The following DCC variants were observed in gnomAD, a reference collection of about 807,000 sequenced individuals.
DCC encodes the protein netrin receptor DCC.
Under a neutral mutation model 172.5 loss-of-function variants are expected in DCC, and 58 were observed. That is an observed-to-expected ratio of 0.34 (90% CI 0.27 to 0.42). The LOEUF (loss-of-function observed/expected upper bound fraction) is 0.42. Among genes scored for constraint, DCC ranks in the 10% least tolerant of loss-of-function variants. The pLI is 1.00. For missense variants in DCC, 1,740 were observed against 1,791.0 expected (o/e 0.97, Z 0.51); for synonymous variants, 709 against 644.5 (o/e 1.10, Z -1.52).
chr18:52,756,675 T>A (rs770744668), intron 2 of DCC, among the ~76,000 whole-genome samples: 3 of 152,178 alleles, frequency 2.0e-5, no homozygotes, highest in African/African-American at 7.2e-5. Context: ...ACCGTGAAAA[T>A]GAACTTGCAT....
At chr18:52,510,885 G>A (rs76586940) in intron 1 of DCC, among the ~76,000 whole-genome samples, 2 of 152,196 alleles carry the variant, frequency 1.3e-5, no homozygotes, top group Admixed American at 6.5e-5. Context: ...CCCTGAGAGA[G>A]TTATCATTAC....
intron 5 of DCC, among the ~76,000 whole-genome samples, chr18:53,044,989 G>A (rs894755883): frequency 6.6e-6 from 1 of 151,742 alleles, no homozygotes; most frequent in African/African-American, 2.4e-5. Flanking sequence ...CATATGAACA[G>A]ATATAAAATG....
chr18:52,699,456 G>C (rs2036070996), intron 1 of DCC, among the ~76,000 whole-genome samples: 2 of 152,200 alleles, frequency 1.3e-5, no homozygotes, highest in Admixed American at 1.3e-4. Flanking sequence ...GTCAGATGGT[G>C]TCATCATAAT....
chr18:53,277,562 T>G (rs1472573929), intron 12 of DCC, among the ~76,000 whole-genome samples: 2 of 152,202 alleles, frequency 1.3e-5, no homozygotes, highest in African/African-American at 4.8e-5. Context: ...GTTAAAGAAT[T>G]GTTTTCCTGT....
At chr18:53,042,298 G>A (rs571533862) in intron 5 of DCC, among the ~76,000 whole-genome samples, 17 of 152,114 alleles carry the variant, frequency 1.1e-4, no homozygotes, top group African/African-American at 3.6e-4. Context: ...TTTATGTGAT[G>A]GATTATGCTT....
At chr18:53,416,414 T>C (rs1910314242) in intron 21 of DCC, 1 of 634,662 alleles carries the variant, frequency 1.6e-6, no homozygotes, top group African/African-American at 1.8e-5. Context: ...CTTCTTTGTA[T>C]GAAATAAATT....
chr18:52,849,599 A>G (rs185674048), intron 2 of DCC, among the ~76,000 whole-genome samples: 15 of 152,340 alleles, frequency 9.8e-5, no homozygotes, highest in African/African-American at 2.6e-4. Context: ...ACCTATTTCC[A>G]AAACAGAATC....
chr18:53,448,046 A>AG, intron 22 of DCC, among the ~76,000 whole-genome samples: 1 of 106,786 alleles, frequency 9.4e-6, no homozygotes, highest in South Asian at 2.8e-4. Flanking sequence ...AATTTTGATG[A>AG]GTTTTTTTTT....
chr18:53,114,251 C>T (rs1013682199), intron 7 of DCC, among the ~76,000 whole-genome samples: 1 of 98,030 alleles, frequency 1.0e-5, no homozygotes, highest in East Asian at 2.1e-4. Flanking sequence ...TTAATGAACA[C>T]CCCCCCCACC....
chr18:52,979,603 A>G (rs1437400417), intron 5 of DCC, among the ~76,000 whole-genome samples: 1 of 152,200 alleles, frequency 6.6e-6, no homozygotes, highest in Non-Finnish European at 1.5e-5. Flanking sequence ...GGTTCCAAGC[A>G]AAAACACCCC....
chr18:52,752,416 C>T, intron 2 of DCC, 42 bp downstream of exon 2: 4 of 1,437,594 alleles, frequency 2.8e-6, no homozygotes, highest in Non-Finnish European at 3.9e-6. Flanking sequence ...TCCTTCCTCT[C>T]TTCTTCTTAT....
intron 21 of DCC, 88 bp from the exon 22 acceptor site, chr18:53,435,056 G>A (rs1911848918): frequency 1.0e-6 from 1 of 987,614 alleles, no homozygotes; most frequent in Non-Finnish European, 1.6e-6. Flanking sequence ...AATCTGTTCT[G>A]TTATTGTGTG....
At chr18:53,078,605 AAAT>A (rs2042754895) in intron 7 of DCC, among the ~76,000 whole-genome samples, 1 of 151,858 alleles carries the variant, frequency 6.6e-6, no homozygotes, top group African/African-American at 2.4e-5. Flanking sequence ...AAAAAAAGAG[AAAT>A]AATATTTTTT....
intron 1 of DCC, among the ~76,000 whole-genome samples, chr18:52,543,735 C>T (rs372021570): frequency 1.4e-4 from 22 of 152,210 alleles, no homozygotes; most frequent in Admixed American, 1.1e-3. Context: ...AAAAGGTGCC[C>T]CTGACCCTTC....
intron 2 of DCC, among the ~76,000 whole-genome samples, chr18:52,867,536 A>G (rs1410831652): frequency 6.6e-6 from 1 of 151,440 alleles, no homozygotes; most frequent in Non-Finnish European, 1.5e-5. Context: ...GTGGTAGGCT[A>G]TTAATTACTG....
At chr18:52,958,461 T>C (rs549367122) in intron 5 of DCC, among the ~76,000 whole-genome samples, 42 of 152,242 alleles carry the variant, frequency 2.8e-4, no homozygotes, top group African/African-American at 8.9e-4. Context: ...AAAAAATAGC[T>C]TTTAATAATT....
chr18:52,718,389 G>A (rs188119748), intron 1 of DCC, among the ~76,000 whole-genome samples: 4 of 152,154 alleles, frequency 2.6e-5, no homozygotes, highest in Admixed American at 1.3e-4. Context: ...AATCAAATTT[G>A]GTTTAAGGAT....
chr18:52,458,426 G>C (rs564575021), intron 1 of DCC, among the ~76,000 whole-genome samples: 26 of 152,258 alleles, frequency 1.7e-4, no homozygotes, highest in African/African-American at 6.0e-4. Context: ...ATCTTAAGCA[G>C]CAGAGGTTGG....
chr18:53,384,668 T>A (rs12956352), intron 15 of DCC, among the ~76,000 whole-genome samples: 1 of 152,102 alleles, frequency 6.6e-6, no homozygotes, highest in Non-Finnish European at 1.5e-5. Context: ...TACTTTTTCA[T>A]ATCTGGCATT....
Sources: gnomAD v4.1 joint callset for allele counts (sites outside exome capture counted in the v4.1 genomes callset) on GRCh38, gnomAD v4.1.1 for gene constraint, MANE v1.5 for transcripts, NCBI Gene and HGNC (gene_info 2026-07-23, HGNC 2026-07-21) for gene names.